Variants in MACROD2 observed in about 807,000 individuals in gnomAD.
MACROD2 encodes the protein mono-ADP ribosylhydrolase 2.
A neutral mutation model predicts 70.4 loss-of-function variants in MACROD2; 36 were observed. The observed-to-expected ratio is 0.51, with a 90% CI of 0.39 to 0.68. The LOEUF is 0.68. Ranked by LOEUF, MACROD2 falls within the 30% of genes least tolerant of loss-of-function variation. The pLI, the probability that MACROD2 is intolerant of heterozygous loss-of-function variation, is 0.00. For missense variants in MACROD2, 496 were observed against 538.4 expected (o/e 0.92, Z 0.78); for synonymous variants, 172 against 178.8 (o/e 0.96, Z 0.30).
chr20:15,520,467 G>T (rs533840868), intron 8 of MACROD2, among the ~76,000 whole-genome samples: 10 of 152,210 alleles, frequency 6.6e-5, no homozygotes, highest in African/African-American at 2.2e-4. Flanking sequence ...TCACCCTGGG[G>T]TGATGACTAT....
At position 14,497,980 on chromosome 20, in the gene MACROD2, C is replaced by T. The variant is rs549982772; in HGVS notation, c.301+4472C>T. Among the ~76,000 whole-genome samples, 122 of 151,690 alleles carry T rather than the reference C, an allele frequency of 8.0e-4. 1 individual carries two copies. The highest frequency in any genetic ancestry group is 1.6e-3 in the Non-Finnish European group (106 of 68,026). ...TTCCCACCTCTGATGGCTTCCTGCT[C>T]TCCTTCTGCCCCTTAGAGTAGGCCC... On this transcript the variant is annotated intron_variant, in intron 4 of 17. Transcript: ENST00000684519.
chr20:15,862,291 A>G (rs1184031197), intron 8 of MACROD2, among the ~76,000 whole-genome samples: 2 of 152,220 alleles, frequency 1.3e-5, no homozygotes, highest in Non-Finnish European at 2.9e-5. Flanking sequence ...GCCTTGTTCA[A>G]ATACTAACAG....
intron 3 of MACROD2, among the ~76,000 whole-genome samples, chr20:14,097,127 T>C (rs2054238518): frequency 6.6e-6 from 1 of 152,194 alleles, no homozygotes; most frequent in South Asian, 2.1e-4. Context: ...TACTGTAATT[T>C]AAGGGTTCAT....
At chr20:14,505,691 A>G (rs455083) in intron 4 of MACROD2, among the ~76,000 whole-genome samples, 27,564 of 152,246 alleles carry the variant, frequency 0.18, 2,784 homozygotes, top group South Asian at 0.36. Flanking sequence ...GGTGAAGTCC[A>G]TGAATTTGCA....
chr20:15,086,716 G>T (rs2075751447), intron 5 of MACROD2, among the ~76,000 whole-genome samples: 1 of 152,128 alleles, frequency 6.6e-6, no homozygotes, highest in South Asian at 2.1e-4. Context: ...TCAGAGTGAA[G>T]TGACAGTCAA....
At chr20:14,588,565 G>A (rs1198816842) in intron 4 of MACROD2, among the ~76,000 whole-genome samples, 1 of 152,024 alleles carries the variant, frequency 6.6e-6, no homozygotes, top group Non-Finnish European at 1.5e-5. Context: ...GGAGTGCAGT[G>A]GCGTGCGATC....
intron 3 of MACROD2, chr20:14,323,497 T>C (rs2082687065): frequency 6.6e-6 from 1 of 152,134 alleles, no homozygotes; most frequent in Non-Finnish European, 1.5e-5. Flanking sequence ...CTTGATTACA[T>C]AGGCATGCTT....
chr20:15,115,496 T>C (rs567945611), intron 5 of MACROD2, among the ~76,000 whole-genome samples: 1 of 152,254 alleles, frequency 6.6e-6, no homozygotes, highest in Non-Finnish European at 1.5e-5. Flanking sequence ...AACACTGTGA[T>C]TACAGGTATT....
At chr20:15,373,130 A>G (rs2045515749) in intron 6 of MACROD2, among the ~76,000 whole-genome samples, 1 of 152,164 alleles carries the variant, frequency 6.6e-6, no homozygotes, top group Non-Finnish European at 1.5e-5. Flanking sequence ...AAAGGTTAAA[A>G]TGTTTCTATA....
chr20:15,552,411 G>A (rs1161556091), intron 8 of MACROD2: 2 of 152,158 alleles, frequency 1.3e-5, no homozygotes, highest in Non-Finnish European at 2.9e-5. Context: ...ACTCCAATCT[G>A]CTATTAAGTG....
intron 6 of MACROD2, among the ~76,000 whole-genome samples, chr20:15,280,390 T>C (rs2146086411): frequency 6.6e-6 from 1 of 152,330 alleles, no homozygotes; most frequent in South Asian, 2.1e-4. Flanking sequence ...ATATTCATTC[T>C]GCAGACATCT....
chr20:14,952,470 C>T (rs1430500758), intron 5 of MACROD2, among the ~76,000 whole-genome samples: 2 of 152,084 alleles, frequency 1.3e-5, no homozygotes, highest in African/African-American at 4.8e-5. Context: ...ATTGTGTTTA[C>T]GTTTTCTGAA....
At chr20:14,036,092 A>C (rs1466453240) in intron 2 of MACROD2, among the ~76,000 whole-genome samples, 1 of 151,978 alleles carries the variant, frequency 6.6e-6, no homozygotes, top group Non-Finnish European at 1.5e-5. Flanking sequence ...CAGTGAGCCT[A>C]GATGGCGCCA....
chr20:14,233,719 G>GA (rs1217560155), intron 3 of MACROD2, among the ~76,000 whole-genome samples: 4 of 74,922 alleles, frequency 5.3e-5, no homozygotes, highest in South Asian at 9.1e-4. Context: ...AAAAAGAAAA[G>GA]AAAAGAAAAG....
chr20:14,112,183 G>C (rs575825723), intron 3 of MACROD2, among the ~76,000 whole-genome samples: 1 of 152,038 alleles, frequency 6.6e-6, no homozygotes. Flanking sequence ...CATGGAGATA[G>C]AGAGTAGAAG....
chr20:14,046,702 C>T (rs371693720), intron 2 of MACROD2, among the ~76,000 whole-genome samples: 49 of 149,966 alleles, frequency 3.3e-4, no homozygotes, highest in African/African-American at 1.1e-3. Context: ...CCCCTTTACT[C>T]CCAAGCATTC....
intron 8 of MACROD2, among the ~76,000 whole-genome samples, chr20:15,808,142 C>T (rs1568572533): frequency 6.6e-6 from 1 of 152,274 alleles, no homozygotes; most frequent in Middle Eastern, 3.4e-3. Flanking sequence ...GAATTGCTTA[C>T]TCGGGGAGCT....
At chr20:15,048,316 T>C (rs911637) in intron 5 of MACROD2, among the ~76,000 whole-genome samples, 27,932 of 151,954 alleles carry the variant, frequency 0.18, 2,710 homozygotes, top group African/African-American at 0.21. Context: ...GCTTCGTGGT[T>C]TGAAGCCACT....
chr20:14,941,689 A>C (rs576110725), intron 5 of MACROD2, among the ~76,000 whole-genome samples: 1 of 152,258 alleles, frequency 6.6e-6, no homozygotes, highest in African/African-American at 2.4e-5. Flanking sequence ...TATTGGGGGA[A>C]ATGAAGCCAC....
Sources: gnomAD v4.1 joint callset for allele counts (sites outside exome capture counted in the v4.1 genomes callset) on GRCh38, gnomAD v4.1.1 for gene constraint, MANE v1.5 for transcripts, NCBI Gene and HGNC (gene_info 2026-07-23, HGNC 2026-07-21) for gene names.